FBN2: variants seen among roughly 807,000 people sequenced by gnomAD.
The protein encoded by FBN2 is fibrillin 2.
Under a neutral mutation model 355.6 loss-of-function variants are expected in FBN2, and 105 were observed. That is an observed-to-expected ratio of 0.30 (90% CI 0.25 to 0.35). FBN2 has a LOEUF of 0.35. FBN2 is among the 10% of genes least tolerant of loss of function. FBN2 has a pLI of 1.00. For synonymous variants in FBN2, 1,350 were observed against 1,301.2 expected (o/e 1.04, Z -0.81); for missense variants, 3,280 against 3,758.7 (o/e 0.87, Z 3.33).
chr5:128,537,309 C>A (rs762404514), intron 1 of FBN2, 41 bp downstream of exon 1: 3 of 1,605,558 alleles, frequency 1.9e-6, no homozygotes, highest in Middle Eastern at 1.8e-4. Flanking sequence ...CCCCCCTCCC[C>A]CAAGCCGGAG....
In FBN2 at chr5:128,339,068, C is replaced by G; in HGVS notation, c.3344-7G>C. On this transcript the variant is annotated splice_polypyrimidine_tract_variant and splice_region_variant and intron_variant, in intron 25 of 64. Coordinates refer to ENST00000262464, the MANE Select transcript of FBN2 (RefSeq NM_001999.4). Reference sequence around the variant, plus strand: ...ATCCTGCACTCGTCGATGTCTAATTCACAGGGTTTAAAAGAAATTTAAAAA... The same window carrying G: ...ATCCTGCACTCGTCGATGTCTAATTGACAGGGTTTAAAAGAAATTTAAAAA... 1 of 1,613,804 alleles carries G rather than the reference C, an allele frequency of 6.2e-7. No homozygotes were observed. The highest frequency in any genetic ancestry group is 8.5e-7 in the Non-Finnish European group (1 of 1,179,762).
Position 128,339,060 on chromosome 5 carries a change from G to T in FBN2, c.3345C>A (p.Asp1115Glu). The change falls in exon 26 of 65, where the codon GAC becomes GAA. Residue 1115 changes from aspartate to glutamate, a missense_variant and splice_region_variant. Around this residue, in one of 6 missense-constraint regions of FBN2, gnomAD observed 2,284 missense variants for 2,749.5 expected, o/e 0.83. Transcript: ENST00000262464. ...ALDMEERNCT[D>E]IDECRISPDL... Reference sequence around the variant, plus strand: ...CAGGAGAAATCCTGCACTCGTCGATGTCTAATTCACAGGGTTTAAAAGAAA... The same window carrying T: ...CAGGAGAAATCCTGCACTCGTCGATTTCTAATTCACAGGGTTTAAAAGAAA... 6.2e-7 allele frequency: 1 copy of T among 1,613,884 alleles called. No individual in the cohort carries two copies. Among genetic ancestry groups the T allele is most frequent in the Non-Finnish European group, 8.5e-7 (1 of 1,179,796 alleles).
chr5:128,478,843 T>A (rs935220616), intron 5 of FBN2, among the ~76,000 whole-genome samples: 1 of 152,202 alleles, frequency 6.6e-6, no homozygotes, highest in Admixed American at 6.5e-5. Flanking sequence ...TGTACTCTTG[T>A]GCATTCTTAA....
At chr5:128,374,585 G>T (rs1329299852) in intron 15 of FBN2, 43 bp downstream of exon 15, 1 of 1,613,012 alleles carries the variant, frequency 6.2e-7, no homozygotes, top group Admixed American at 1.7e-5. Flanking sequence ...GTTTTTCAAA[G>T]ATCATTTTGC....
intron 25 of FBN2, among the ~76,000 whole-genome samples, chr5:128,342,865 A>T (rs1028678160): frequency 3.3e-5 from 5 of 151,778 alleles, no homozygotes; most frequent in African/African-American, 1.2e-4. Context: ...AGTAGCTGGG[A>T]TTACAGGCAT....
rs1318963913 is a variant in FBN2 at position 128,466,660 on chromosome 5, G to T, written c.629-1739C>A. On this transcript the variant is annotated intron_variant, in intron 5 of 64. Transcript: ENST00000262464. ...ATATTAAGAAACAAAATCGAGAATA[G>T]GTAATTTCTTGGCAAGCCATTTTAA... Among the ~76,000 whole-genome samples, 4 of 152,164 alleles carry T rather than the reference G, an allele frequency of 2.6e-5. No homozygotes were observed. The South Asian group carries it at 8.3e-4, about 31-fold the overall frequency.
At chr5:128,459,341 G>A (rs942625448) in intron 6 of FBN2, among the ~76,000 whole-genome samples, 7 of 152,146 alleles carry the variant, frequency 4.6e-5, no homozygotes, top group Admixed American at 2.6e-4. Context: ...CTCAGGACCA[G>A]ACGGATTCAC....
intron 5 of FBN2, among the ~76,000 whole-genome samples, chr5:128,504,266 G>A (rs951682256): frequency 3.5e-4 from 54 of 152,254 alleles, no homozygotes; most frequent in Non-Finnish European, 5.1e-4. Flanking sequence ...ATGTGGGGTC[G>A]CAGCCCCCAC....
At chr5:128,336,390 T>G (rs112462668) in intron 27 of FBN2, among the ~76,000 whole-genome samples, 6 of 152,370 alleles carry the variant, frequency 3.9e-5, no homozygotes, top group African/African-American at 1.4e-4. Flanking sequence ...ATATGGACAG[T>G]ATAACTAAGG....
At chr5:128,279,335 G>T (rs1463179543) in intron 56 of FBN2, among the ~76,000 whole-genome samples, 1 of 151,784 alleles carries the variant, frequency 6.6e-6, no homozygotes, top group East Asian at 1.9e-4. Context: ...ATTTTTTTCA[G>T]ATTTAAAAGC....
intron 36 of FBN2, among the ~76,000 whole-genome samples, chr5:128,314,322 T>C (rs1316666979): frequency 3.9e-5 from 6 of 152,076 alleles, no homozygotes; most frequent in Admixed American, 3.9e-4. Flanking sequence ...TTTATTTATA[T>C]TTATTTGTTT....
rs1749825905 is a variant in FBN2, at chr5:128,304,943, C to T, written c.5800+14G>A. On this transcript the variant is annotated intron_variant, in intron 45 of 64. Coordinates refer to ENST00000262464, the MANE Select transcript of FBN2 (RefSeq NM_001999.4). ...AGCCCCACTTCACTCCCTGGAGCCA[C>T]ATGCCCTTCTTACCCATGCACATGG... is the stretch of plus-strand genomic sequence containing the variant. The T allele has an allele frequency of 6.2e-7, 1 of 1,613,878 alleles. No individual in the cohort carries two copies. The highest frequency in any genetic ancestry group is 1.3e-5 in the African/African-American group (1 of 74,910).
At chr5:128,519,152 T>C (rs1157210918) in intron 5 of FBN2, 121 bp downstream of exon 5, 21 of 760,444 alleles carry the variant, frequency 2.8e-5, no homozygotes, top group Non-Finnish European at 4.4e-5. Flanking sequence ...CTTAGAGACA[T>C]AATCAAAGAA....
intron 13 of FBN2, 116 bp downstream of exon 13, chr5:128,377,636 T>A (rs968337950): frequency 9.2e-7 from 1 of 1,082,006 alleles, no homozygotes; most frequent in Non-Finnish European, 1.4e-6. Flanking sequence ...TTTACCTAAG[T>A]TACCTGAAGA....
At chr5:128,400,001 A>T (rs1752755832) in intron 8 of FBN2, among the ~76,000 whole-genome samples, 1 of 152,052 alleles carries the variant, frequency 6.6e-6, no homozygotes, top group African/African-American at 2.4e-5. Context: ...CATGGATTTA[A>T]ATCTCAACTG....
intron 5 of FBN2, among the ~76,000 whole-genome samples, chr5:128,512,123 A>C (rs1255230273): frequency 6.6e-6 from 1 of 152,206 alleles, no homozygotes; most frequent in Non-Finnish European, 1.5e-5. Flanking sequence ...AAAATCCCAC[A>C]AAAGGTAAAA....
intron 21 of FBN2, among the ~76,000 whole-genome samples, 179 bp downstream of exon 21, chr5:128,350,689 C>G (rs114416488): frequency 6.6e-6 from 1 of 152,148 alleles, no homozygotes; most frequent in African/African-American, 2.4e-5. Context: ...GCTTATGTAC[C>G]AGGATAAAAC....
At chr5:128,287,529 A>G in intron 53 of FBN2, 99 bp from the exon 54 acceptor site, 1 of 1,327,792 alleles carries the variant, frequency 7.5e-7, no homozygotes, top group Non-Finnish European at 1.1e-6. Flanking sequence ...TACACAAAGC[A>G]ATAGAATAGT....
At chr5:128,293,994 G>A (rs1243916663) in intron 48 of FBN2, among the ~76,000 whole-genome samples, 4 of 135,896 alleles carry the variant, frequency 2.9e-5, no homozygotes, top group African/African-American at 8.2e-5. Flanking sequence ...CTCCTCCCCC[G>A]ACCCCACCAC....
Sources: gnomAD v4.1 joint callset for allele counts (sites outside exome capture counted in the v4.1 genomes callset) on GRCh38, gnomAD v4.1.1 for gene constraint, gnomAD v4.1.1 regional missense constraint, MANE v1.5 for transcripts, NCBI Gene and HGNC (gene_info 2026-07-23, HGNC 2026-07-21) for gene names.